The following SORCS2 variants were observed in gnomAD, a reference collection of about 807,000 sequenced individuals.
SORCS2 encodes the protein sortilin related VPS10 domain containing receptor 2, also known as VPS10 domain-containing receptor SorCS2.
SORCS2 carries 100 observed loss-of-function variants against 141.6 expected under a neutral mutation model. The observed-to-expected ratio is 0.71, with a 90% CI of 0.60 to 0.83. The LOEUF (loss-of-function observed/expected upper bound fraction) is 0.83. SORCS2 is among the 40% of genes least tolerant of loss of function. SORCS2 has a pLI of 0.00. For missense variants in SORCS2, 1,646 were observed against 1,560.2 expected (o/e 1.05, Z -0.93); for synonymous variants, 789 against 676.9 (o/e 1.17, Z -2.57).
chr4:7,510,044 G>A (rs1732521012), intron 2 of SORCS2, among the ~76,000 whole-genome samples: 1 of 152,242 alleles, frequency 6.6e-6, no homozygotes. Context: ...TAACTGTGCT[G>A]CCTCTGATCT....
chr4:7,421,548 T>G (rs190217927), intron 2 of SORCS2, among the ~76,000 whole-genome samples: 1 of 152,176 alleles, frequency 6.6e-6, no homozygotes, highest in African/African-American at 2.4e-5. Context: ...TCGTCGTTCA[T>G]GGTCATTCTT....
intron 1 of SORCS2, among the ~76,000 whole-genome samples, chr4:7,288,057 C>G (rs1716345670): frequency 6.6e-6 from 1 of 152,186 alleles, no homozygotes; most frequent in African/African-American, 2.4e-5. Context: ...CCAGCTCATG[C>G]CATGCGGCCT....
intron 3 of SORCS2, among the ~76,000 whole-genome samples, chr4:7,599,516 C>T (rs1717515344): frequency 6.6e-6 from 1 of 152,206 alleles, no homozygotes; most frequent in Admixed American, 6.5e-5. Flanking sequence ...ACCCCAGGCC[C>T]CATGCCTGGA....
At chr4:7,614,161 C>A (rs1383570359) in intron 3 of SORCS2, among the ~76,000 whole-genome samples, 1 of 151,592 alleles carries the variant, frequency 6.6e-6, no homozygotes, top group East Asian at 2.0e-4. Context: ...ACCCATCCAC[C>A]CATCCACCAT....
chr4:7,620,005 TCTCCTCCTCCTCCTTC>T (rs58522408), intron 3 of SORCS2, among the ~76,000 whole-genome samples: 138,509 of 147,500 alleles, frequency 0.94, 65,698 homozygotes, highest in East Asian at 1. Context: ...ACCTCTTTTT[TCTCCTCCTCCTCCTTC>T]CTCCTCCTCC....
At chr4:7,304,980 C>T (rs1461377660) in intron 1 of SORCS2, among the ~76,000 whole-genome samples, 2 of 152,134 alleles carry the variant, frequency 1.3e-5, no homozygotes, top group Non-Finnish European at 2.9e-5. Flanking sequence ...GTGACACCAC[C>T]CTTGCTGTCG....
At chr4:7,278,705 C>T (rs1386981194) in intron 1 of SORCS2, among the ~76,000 whole-genome samples, 8 of 152,182 alleles carry the variant, frequency 5.3e-5, no homozygotes, top group African/African-American at 1.4e-4. Flanking sequence ...TTGGATGGGA[C>T]GGGGACATCC....
chr4:7,502,760 T>G (rs1201298199), intron 2 of SORCS2, among the ~76,000 whole-genome samples: 1 of 151,526 alleles, frequency 6.6e-6, no homozygotes, highest in Non-Finnish European at 1.5e-5. Flanking sequence ...ACATGACCTC[T>G]GTGCTCAGAG....
intron 1 of SORCS2, among the ~76,000 whole-genome samples, chr4:7,232,588 G>C (rs1027459178): frequency 2.0e-5 from 3 of 152,200 alleles, no homozygotes; most frequent in African/African-American, 7.2e-5. Flanking sequence ...TTAGACTCCC[G>C]CTCAGCTCCT....
chr4:7,202,098 C>G (rs558075338), intron 1 of SORCS2, among the ~76,000 whole-genome samples: 16 of 152,300 alleles, frequency 1.1e-4, no homozygotes, highest in South Asian at 2.1e-4. Flanking sequence ...CCTCTCTCCC[C>G]GCTCCCAGCA....
At chr4:7,692,958 T>G (rs1006924509) in intron 11 of SORCS2, among the ~76,000 whole-genome samples, 1 of 152,146 alleles carries the variant, frequency 6.6e-6, no homozygotes, top group Non-Finnish European at 1.5e-5. Context: ...CTCCAGCTAC[T>G]AATAGAAGGG....
At chr4:7,650,095 C>T in intron 4 of SORCS2, among the ~76,000 whole-genome samples, 1 of 152,226 alleles carries the variant, frequency 6.6e-6, no homozygotes, top group East Asian at 1.9e-4. Flanking sequence ...TCAAATGATT[C>T]ATTCTAGACA....
intron 2 of SORCS2, among the ~76,000 whole-genome samples, chr4:7,504,127 G>A (rs929456043): frequency 2.0e-5 from 3 of 152,196 alleles, no homozygotes; most frequent in East Asian, 1.9e-4. Flanking sequence ...GGCCTCTGTC[G>A]CAGCTCACAG....
At chr4:7,389,248 C>G (rs1277567030) in intron 1 of SORCS2, among the ~76,000 whole-genome samples, 1 of 152,200 alleles carries the variant, frequency 6.6e-6, no homozygotes, top group Non-Finnish European at 1.5e-5. Context: ...CAGTGTAACT[C>G]TTTAAGAACA....
At chr4:7,726,656 G>A (rs936299195) in intron 20 of SORCS2, 124 bp from the exon 21 acceptor site, 11 of 1,278,996 alleles carry the variant, frequency 8.6e-6, no homozygotes, top group Admixed American at 2.4e-5. Flanking sequence ...TCCATAATGG[G>A]CCCATTTGCT....
rs1346155570 is a variant in SORCS2 at position 7,724,857 on chromosome 4, TG to T, written c.2612-296del. Among the ~76,000 whole-genome samples, 42 of 90,132 alleles carry T rather than the reference TG, an allele frequency of 4.7e-4. 1 individual carries two copies. The highest frequency in any genetic ancestry group is 7.1e-4 in the African/African-American group (17 of 23,790). The allele number at this position is 90,132 out of a possible 152,430, so 59.1% of individuals were successfully genotyped here. ...ATGGTGGAGGTGATGGTGGTAGTGG[TG>T]ATGGTGGTGGTAGTGGTGATGGTGG... On this transcript the variant is annotated intron_variant, in intron 19 of 26. Transcript: ENST00000507866.
intron 1 of SORCS2, among the ~76,000 whole-genome samples, chr4:7,334,071 C>A (rs1165383477): frequency 1.3e-5 from 2 of 152,208 alleles, no homozygotes; most frequent in Non-Finnish European, 2.9e-5. Flanking sequence ...GGGTGACAAC[C>A]AAGCTCCTCC....
At chr4:7,569,716 T>C (rs770051064) in intron 3 of SORCS2, among the ~76,000 whole-genome samples, 2 of 152,166 alleles carry the variant, frequency 1.3e-5, no homozygotes, top group Non-Finnish European at 2.9e-5. Flanking sequence ...GCCGTCTGCA[T>C]ATGGGTGCAC....
chr4:7,434,705 C>T lies in SORCS2; in HGVS notation c.548+38350C>T, dbSNP rs56737582. The T allele has an allele frequency of 2.5e-3, 4,008 of 1,612,892 alleles. 95 individuals are homozygous for T. In the African/African-American group the frequency reaches 0.047, roughly 19 times the overall value. On this transcript the variant is annotated intron_variant, in intron 2 of 26. Transcript: ENST00000507866. ...CATACGTCGCAGGGCAGAGACTTCGCGGTGGGTTTGTTCCATACGGCCCCT... is the reference window on the plus strand; with the variant it reads ...CATACGTCGCAGGGCAGAGACTTCGTGGTGGGTTTGTTCCATACGGCCCCT...
Sources: gnomAD v4.1 joint callset for allele counts (sites outside exome capture counted in the v4.1 genomes callset) on GRCh38, gnomAD v4.1.1 for gene constraint, MANE v1.5 for transcripts, NCBI Gene and HGNC (gene_info 2026-07-23, HGNC 2026-07-21) for gene names.